Variants in NRG2 observed in about 807,000 individuals in gnomAD.
NRG2 encodes pro-neuregulin-2, membrane-bound isoform.
NRG2 carries 27 observed loss-of-function variants against 73.9 expected under a neutral mutation model. The ratio of observed to expected loss-of-function variants is 0.37; its 90% CI spans 0.27 to 0.50. The LOEUF is 0.50. Ranked by LOEUF, NRG2 falls within the 20% of genes least tolerant of loss-of-function variation. The probability of loss-of-function intolerance (pLI) is 0.96; values close to 1 mark genes in which losing one functional copy is unlikely to be tolerated. For synonymous variants in NRG2, 532 were observed against 541.0 expected, an observed-to-expected ratio of 0.98 and a Z score of 0.23; for missense variants, 1,126 against 1,210.1, an observed-to-expected ratio of 0.93 and a Z score of 1.03.
chr5:139,897,147 G>C (rs897790388), intron 1 of NRG2, among the ~76,000 whole-genome samples: 1 of 152,218 alleles, frequency 6.6e-6, no homozygotes, highest in African/African-American at 2.4e-5. Context: ...GCCGAGTTGA[G>C]AGGGTCAGAC....
chr5:139,999,509 G>A (rs1174499286), intron 1 of NRG2, among the ~76,000 whole-genome samples: 1 of 152,184 alleles, frequency 6.6e-6, no homozygotes, highest in East Asian at 1.9e-4. Flanking sequence ...AACCTGGCCT[G>A]CATTGCCCTA....
At chr5:140,000,923 ATCAAACTGTAACATAGGACTCAACG>A (rs1269522266) in intron 1 of NRG2, among the ~76,000 whole-genome samples, 1 of 152,238 alleles carries the variant, frequency 6.6e-6, no homozygotes, top group African/African-American at 2.4e-5. Context: ...ACAGAATGAC[ATCAAACTGTAACATAGGACTCAACG>A]TCCTTCTCGA....
intron 1 of NRG2, among the ~76,000 whole-genome samples, chr5:139,989,942 C>T (rs1449124286): frequency 1.1e-4 from 16 of 149,572 alleles, no homozygotes; most frequent in African/African-American, 2.7e-4. Flanking sequence ...GTGCCCACCA[C>T]CACGCCCAGC....
intron 1 of NRG2, among the ~76,000 whole-genome samples, chr5:139,960,305 G>A (rs550306699): frequency 3.9e-5 from 6 of 152,100 alleles, no homozygotes; most frequent in East Asian, 1.9e-4. Flanking sequence ...ACCTGAGGTC[G>A]GGAGTTCGAG....
intron 1 of NRG2, among the ~76,000 whole-genome samples, chr5:140,033,915 G>A (rs1761324292): frequency 6.6e-6 from 1 of 151,490 alleles, no homozygotes; most frequent in African/African-American, 2.4e-5. Flanking sequence ...GATGCAGAAA[G>A]TAACTTGCCC....
intron 5 of NRG2, chr5:139,859,954 A>G: frequency 6.5e-7 from 1 of 1,546,128 alleles, no homozygotes; most frequent in Non-Finnish European, 8.9e-7. Context: ...GGAGGGGTGG[A>G]GGGAGAGAGA....
At chr5:139,987,573 T>C (rs1757265077) in intron 1 of NRG2, among the ~76,000 whole-genome samples, 1 of 152,030 alleles carries the variant, frequency 6.6e-6, no homozygotes. Context: ...TAGACAGATC[T>C]ACCTATCTTC....
At chr5:139,859,153 C>G (rs1156644313) in intron 5 of NRG2, among the ~76,000 whole-genome samples, 1 of 152,112 alleles carries the variant, frequency 6.6e-6, no homozygotes, top group Non-Finnish European at 1.5e-5. Context: ...TCCCTTCTAG[C>G]CCAAGGAGTC....
At chr5:139,889,159 A>G (rs1764057217) in intron 1 of NRG2, among the ~76,000 whole-genome samples, 1 of 152,192 alleles carries the variant, frequency 6.6e-6, no homozygotes, top group Non-Finnish European at 1.5e-5. Context: ...TTAAAGAAGT[A>G]TCTATCAACT....
At chr5:139,934,920 T>A (rs1752734747) in intron 1 of NRG2, among the ~76,000 whole-genome samples, 1 of 152,152 alleles carries the variant, frequency 6.6e-6, no homozygotes, top group South Asian at 2.1e-4. Context: ...ATCCCAGCAC[T>A]TTGGGAGGCT....
In NRG2 at chr5:139,848,031, G is replaced by A; in HGVS notation, c.2439C>T (p.Cys813=). 1 of 1,509,798 alleles carries A rather than the reference G, an allele frequency of 6.6e-7. No individual in the cohort carries two copies. Among genetic ancestry groups the A allele is most frequent in the Non-Finnish European group, 8.8e-7 (1 of 1,134,462 alleles). The allele number at this position is 1,509,798 out of a possible 1,614,324, so 93.5% of individuals were successfully genotyped here. ...DALRSDSPPL[C]PAADSRTYYS... ...AGTAAGTCCTGCTGTCGGCCGCCGG[G>A]CACAGTGGCGGCGAGTCCGAGCGCA... The change falls in exon 10 of 10, where the codon TGC becomes TGT. Residue 813 remains cysteine, a synonymous_variant. Coordinates refer to ENST00000361474, the MANE Select transcript of NRG2 (RefSeq NM_004883.3).
chr5:139,973,333 C>T (rs1371200527), intron 1 of NRG2, among the ~76,000 whole-genome samples: 1 of 152,104 alleles, frequency 6.6e-6, no homozygotes, highest in Non-Finnish European at 1.5e-5. Flanking sequence ...GCTGTTATCA[C>T]AGAAAGATGT....
intron 3 of NRG2, among the ~76,000 whole-genome samples, chr5:139,877,883 C>G (rs1763282336): frequency 6.6e-6 from 1 of 152,228 alleles, no homozygotes; most frequent in African/African-American, 2.4e-5. Context: ...AAACTCTTTC[C>G]CCTGCTCTGC....
At chr5:139,991,133 G>T (rs944975079) in intron 1 of NRG2, among the ~76,000 whole-genome samples, 1 of 151,936 alleles carries the variant, frequency 6.6e-6, no homozygotes, top group African/African-American at 2.4e-5. Flanking sequence ...AATTAACCTG[G>T]CATGGTGTGG....
At position 139,869,886 on chromosome 5, in the gene NRG2, T is replaced by C. The variant is rs1762723450; in HGVS notation, c.1112+1835A>G. On this transcript the variant is annotated intron_variant, in intron 4 of 9. Transcript: ENST00000361474. This position sits in a 1 kb window ranked among gnomAD's most constrained non-coding sequence, Gnocchi z 4.5. The stretch of plus-strand genomic sequence containing the variant: ...CCACTCCCTTGCCCACACCGAACTC[T>C]AGCACTGGAGCCCTGGCCCCCATGG... Among the ~76,000 whole-genome samples the C allele has an allele frequency of 6.6e-6, 1 of 152,168 alleles. No individual in the cohort carries two copies. Among genetic ancestry groups the C allele is most frequent in the South Asian group, 2.1e-4 (1 of 4,828 alleles).
chr5:139,960,139 G>C (rs952050169), intron 1 of NRG2, among the ~76,000 whole-genome samples: 4 of 152,224 alleles, frequency 2.6e-5, no homozygotes, highest in African/African-American at 9.6e-5. Context: ...CCTCTCTTCA[G>C]AGCTGAGGTT....
At chr5:139,893,665 T>A (rs1418755060) in intron 1 of NRG2, among the ~76,000 whole-genome samples, 1 of 151,904 alleles carries the variant, frequency 6.6e-6, no homozygotes, top group African/African-American at 2.4e-5. Context: ...TGAGCTCCCA[T>A]ACTCCTTGGG....
At chr5:139,895,859 T>C (rs2127154014) in intron 1 of NRG2, among the ~76,000 whole-genome samples, 1 of 152,340 alleles carries the variant, frequency 6.6e-6, no homozygotes, top group Non-Finnish European at 1.5e-5. Context: ...TGGGGAAAGC[T>C]GGGCTCTGGG....
At chr5:139,918,024 G>GT (rs1402005507) in intron 1 of NRG2, among the ~76,000 whole-genome samples, 2 of 152,104 alleles carry the variant, frequency 1.3e-5, no homozygotes, top group Admixed American at 6.6e-5. Context: ...TGTGTTTTAA[G>GT]TTCTTACTGT....
Sources: allele counts gnomAD v4.1 joint callset (sites outside exome capture counted in the v4.1 genomes callset), GRCh38; gene constraint gnomAD v4.1.1; non-coding constraint Gnocchi (gnomAD v3.1); transcripts MANE v1.5; gene names NCBI Gene and HGNC (gene_info 2026-07-23, HGNC 2026-07-21).